The following PCDHGA5 variants were observed in gnomAD, a reference collection of about 807,000 sequenced individuals.
The protein encoded by PCDHGA5 is protocadherin gamma-A5.
Under a neutral mutation model 56.7 loss-of-function variants are expected in PCDHGA5, and 36 were observed. The observed-to-expected ratio is 0.64, with a 90% CI of 0.49 to 0.84. PCDHGA5 has a LOEUF of 0.84. PCDHGA5 is among the 40% of genes least tolerant of loss of function. The pLI, the probability that PCDHGA5 is intolerant of heterozygous loss-of-function variation, is 0.00. For missense variants in PCDHGA5, 1,305 were observed against 1,201.5 expected (o/e 1.09, Z -1.27); for synonymous variants, 563 against 520.2 (o/e 1.08, Z -1.12).
chr5:141,410,549 G>T, intron 1 of PCDHGA5: 1 of 1,613,438 alleles, frequency 6.2e-7, no homozygotes, highest in East Asian at 2.2e-5. Context: ...GGTTTGCAGT[G>T]TTTCTCCTGG....
At chr5:141,391,890 G>A (rs2092437971) in intron 1 of PCDHGA5, 1 of 152,182 alleles carries the variant, frequency 6.6e-6, no homozygotes, top group Non-Finnish European at 1.5e-5. Context: ...AAAGGGATGG[G>A]ATGGAGCTTT....
chr5:141,413,235 C>A, intron 1 of PCDHGA5: 1 of 1,613,954 alleles, frequency 6.2e-7, no homozygotes, highest in Non-Finnish European at 8.5e-7. Context: ...TGGTCCTGCT[C>A]TGCCTTTTCT....
rs191184566 is a variant in PCDHGA5 at position 141,373,694 on chromosome 5, A to G, written c.2421+6943A>G. Among the ~76,000 whole-genome samples the G allele has an allele frequency of 1.4e-4, 21 of 152,388 alleles. No individual in the cohort carries two copies. The Middle Eastern group carries it at 0.014, about 99-fold the overall frequency. ...GAATGGTAAACTTCAGAGAACATTTAAAATTATTCAAAATAATCTCTTACA... is the reference window on the plus strand; with the variant it reads ...GAATGGTAAACTTCAGAGAACATTTGAAATTATTCAAAATAATCTCTTACA... On this transcript the variant is annotated intron_variant, in intron 1 of 3. Transcript: ENST00000518069.
Position 141,423,964 on chromosome 5 carries a change from A to G in PCDHGA5, c.2421+57213A>G, listed in dbSNP as rs569611136. On this transcript the variant is annotated intron_variant, in intron 1 of 3. Coordinates refer to ENST00000518069, the MANE Select transcript of PCDHGA5 (RefSeq NM_018918.3). ...AGTTGAATTTTAGTATTATTTTTCT[A>G]TTATCAGTGTATGAGGCTCTCAATT... The G allele has an allele frequency of 5.2e-5, 61 of 1,163,648 alleles. 2 individuals carry two copies. In the South Asian group the frequency reaches 1.7e-3, roughly 32 times the overall value. 72.1% of individuals were successfully genotyped at this position (1,163,648 alleles called of 1,614,324 possible).
chr5:141,482,546 A>C (rs1489817593), intron 1 of PCDHGA5, among the ~76,000 whole-genome samples: 1 of 151,868 alleles, frequency 6.6e-6, no homozygotes, highest in African/African-American at 2.4e-5. Context: ...AAAAAAAAAA[A>C]AAAGATAATG....
intron 1 of PCDHGA5, chr5:141,396,354 C>T (rs1285916157): frequency 6.6e-6 from 1 of 152,456 alleles, no homozygotes; most frequent in East Asian, 1.9e-4. Context: ...TGCGGTGGCT[C>T]ACGCCTGTAA....
chr5:141,418,807 G>A (rs1400599346), intron 1 of PCDHGA5: 2 of 1,613,650 alleles, frequency 1.2e-6, no homozygotes, highest in African/African-American at 1.3e-5. Context: ...AAAGATATAC[G>A]ATAAACATAG....
chr5:141,401,272 G>A (rs998700154), intron 1 of PCDHGA5, among the ~76,000 whole-genome samples: 1 of 152,172 alleles, frequency 6.6e-6, no homozygotes. Flanking sequence ...AACCTGGCAG[G>A]TGGAGGTTGC....
chr5:141,372,395 C>G (rs1768730158), intron 1 of PCDHGA5: 1 of 1,613,942 alleles, frequency 6.2e-7, no homozygotes, highest in Admixed American at 1.7e-5. Context: ...TCGCAGATAG[C>G]TTGCAAGAGA....
intron 1 of PCDHGA5, chr5:141,433,358 CCTATCTATCTATCTAT>C (rs3074541): frequency 2.0e-4 from 99 of 504,042 alleles, no homozygotes; most frequent in East Asian, 3.1e-4. Flanking sequence ...CTACTGTCTG[CCTATCTATCTATCTAT>C]CTATCTATCT....
At chr5:141,401,322 A>G (rs2094140521) in intron 1 of PCDHGA5, among the ~76,000 whole-genome samples, 1 of 152,218 alleles carries the variant, frequency 6.6e-6, no homozygotes, top group African/African-American at 2.4e-5. Flanking sequence ...AGCCTGGGCA[A>G]CAAGAGCAAA....
chr5:141,420,269 A>C, intron 1 of PCDHGA5: 1 of 1,544,558 alleles, frequency 6.5e-7, no homozygotes, highest in Non-Finnish European at 8.8e-7. Flanking sequence ...GAAGATTCTT[A>C]AACAGGTAAG....
intron 1 of PCDHGA5, chr5:141,415,153 G>T: frequency 2.5e-6 from 4 of 1,613,780 alleles, no homozygotes; most frequent in Non-Finnish European, 3.4e-6. Context: ...CCCTCTCTCC[G>T]CCACTGTCAC....
At chr5:141,408,008 C>A in intron 1 of PCDHGA5, 2 of 949,842 alleles carry the variant, frequency 2.1e-6, no homozygotes, top group Non-Finnish European at 3.0e-6. Context: ...GGATTCCCTG[C>A]GCAGCCAACA....
rs747077639 is a variant in PCDHGA5, at chr5:141,432,371, G to C, written c.2422-62436G>C. 2 of 1,614,234 alleles carry C rather than the reference G, an allele frequency of 1.2e-6. No individual in the cohort carries two copies. The highest frequency in any genetic ancestry group is 1.6e-4 in the Middle Eastern group (1 of 6,062). ...AGTGAAAGTGATGGCGCGGGACAAC[G>C]GGCACCCGCCCCTCAGCAGCAACGT... On this transcript the variant is annotated intron_variant, in intron 1 of 3. Transcript: ENST00000518069. The surrounding 1 kb of genome is among the most constrained non-coding windows in gnomAD (Gnocchi z 6.0).
intron 1 of PCDHGA5, among the ~76,000 whole-genome samples, chr5:141,434,129 G>T (rs1242855904): frequency 6.6e-6 from 1 of 152,092 alleles, no homozygotes; most frequent in East Asian, 1.9e-4. Flanking sequence ...CTCCCTTTAG[G>T]CTGATTTCTA....
intron 1 of PCDHGA5, chr5:141,414,552 C>G: frequency 6.2e-7 from 1 of 1,613,984 alleles, no homozygotes; most frequent in Non-Finnish European, 8.5e-7. Context: ...TCTCTCAAGT[C>G]TCCTACTTTA....
Position 141,490,611 on chromosome 5 carries a change from G to GCTTTA in PCDHGA5, c.2422-4194_2422-4190dup. On this transcript the variant is annotated intron_variant, in intron 1 of 3. Coordinates refer to ENST00000518069, the MANE Select transcript of PCDHGA5 (RefSeq NM_018918.3). The surrounding 1 kb of genome is among the most constrained non-coding windows in gnomAD (Gnocchi z 5.4). The stretch of plus-strand genomic sequence containing the variant: ...ACAATGCACCCCGCTTCAACCAGCA[G>GCTTTA]CTTTACACTGCTTACATCCTAGAAA... 6.2e-7 allele frequency: 1 copy of GCTTTA among 1,614,170 alleles called. No individual in the cohort carries two copies. Among genetic ancestry groups the GCTTTA allele is most frequent in the Non-Finnish European group, 8.5e-7 (1 of 1,180,036 alleles).
At chr5:141,423,797 C>A in intron 1 of PCDHGA5, 2 of 1,249,164 alleles carry the variant, frequency 1.6e-6, no homozygotes, top group African/African-American at 1.6e-5. Flanking sequence ...ATATTTAGAG[C>A]AATACATGTG....
Sources: gnomAD v4.1 joint callset for allele counts (sites outside exome capture counted in the v4.1 genomes callset) on GRCh38, gnomAD v4.1.1 for gene constraint, Gnocchi (gnomAD v3.1) non-coding constraint, MANE v1.5 for transcripts, NCBI Gene and HGNC (gene_info 2026-07-23, HGNC 2026-07-21) for gene names.